Variants in GGT6 observed in about 807,000 individuals in gnomAD.
The protein encoded by GGT6 is glutathione hydrolase 6.
A neutral mutation model predicts 17.0 loss-of-function variants in GGT6; 13 were observed. That is an observed-to-expected ratio of 0.77 (90% CI 0.50 to 1.22). The LOEUF is 1.22. Among genes scored for constraint, GGT6 ranks in the 50% most tolerant of loss-of-function variants. The probability of loss-of-function intolerance (pLI) is 0.00; values close to 1 mark genes in which losing one functional copy is unlikely to be tolerated. For missense variants in GGT6, 628 were observed against 643.7 expected, an observed-to-expected ratio of 0.98 and a Z score of 0.26; for synonymous variants, 305 against 297.9, an observed-to-expected ratio of 1.02 and a Z score of -0.25.
At chr17:4,556,695 T>C (rs1908163107), downstream of GGT6, among the ~76,000 whole-genome samples, 1 of 152,216 alleles carries the variant, frequency 6.6e-6, no homozygotes, top group African/African-American at 2.4e-5. Context: ...TCTCACCCTC[T>C]CAGCCGCTTC....
chr17:4,559,954 C>T, intron 1 of GGT6, 194 bp from the exon 2 acceptor site: 1 of 614,228 alleles, frequency 1.6e-6, no homozygotes, highest in African/African-American at 1.8e-5. Flanking sequence ...GGAAACTGAG[C>T]CTAGCTAGGG....
Position 4,558,990 on chromosome 17 carries a change from T to G in GGT6, c.525A>C (p.Pro175=). 6.5e-7 allele frequency: 1 copy of G among 1,545,768 alleles called. No homozygotes were observed. Among genetic ancestry groups the G allele is most frequent in the Non-Finnish European group, 8.7e-7 (1 of 1,146,958 alleles). Residue 175 remains proline (P), a synonymous_variant, in exon 4 of 4, where the codon CCA becomes CCC. Coordinates refer to ENST00000381550, the MANE Select transcript of GGT6 (RefSeq NM_001288702.2). ...CCAGGCCGGGGGCCAGGGTCTGTGC[T>G]GGGCCTGATGTCAGGGCCGTGGAAT... ...SGNSTALTSG[P]AQTLAPGLGL...
At position 4,559,680 on chromosome 17, in the gene GGT6, G is replaced by T; in HGVS notation, c.221C>A (p.Ala74Asp). The change falls in exon 2 of 4, where the codon GCT becomes GAT. Residue 74 changes from alanine (A) to aspartate (D), a missense_variant. Physicochemically the swap from Ala to Asp is moderately radical, Grantham distance 126 (BLOSUM62 -2). Coordinates refer to ENST00000381550, the MANE Select transcript of GGT6 (RefSeq NM_001288702.2). ...GCCCTGATTCTGGAGCTGCCTCACA[G>T]CCAGGGAGCAGCCAACAGCCAGCAG... ...LLLLAVGCSL[A>D]VRQLQNQGRS... The T allele has an allele frequency of 1.2e-6, 2 of 1,612,766 alleles. No individual in the cohort carries two copies.
rs764957416 is a variant in GGT6, at chr17:4,560,381, C to A, written c.140+1G>T. ...GGTGCCCAGACCCCTCCCTTACTTA[C>A]CTGGAAGAGTCCTGGTGCCTCCGGG... On this transcript the variant is annotated splice_donor_variant, in intron 1 of 3. Coordinates refer to ENST00000381550, the MANE Select transcript of GGT6 (RefSeq NM_001288702.2). LOFTEE classifies it high-confidence loss of function. 1.4e-5 allele frequency: 22 copies of A among 1,614,110 alleles called. No individual in the cohort carries two copies. Among genetic ancestry groups the A allele is most frequent in the Non-Finnish European group, 1.6e-5 (19 of 1,179,996 alleles).
chr17:4,560,282 C>G (rs1186714561), intron 1 of GGT6, 100 bp downstream of exon 1: 6 of 1,385,824 alleles, frequency 4.3e-6, no homozygotes, highest in East Asian at 4.6e-5. Flanking sequence ...GGAGCTAAAC[C>G]CAGCGGGGAG....
Position 4,558,440 on chromosome 17 carries a change from G to A in GGT6, c.1075C>T (p.Leu359=), listed in dbSNP as rs776125326. The change falls in exon 4 of 4, where the codon CTG becomes TTG. Residue 359 remains leucine, a synonymous_variant. Coordinates refer to ENST00000381550, the MANE Select transcript of GGT6 (RefSeq NM_001288702.2). ...QTAVSPESSA[L]AAVDSSGSVL... Reference sequence around the variant, plus strand: ...GAGCCGCTGCTGTCCACGGCGGCCAGGGCACTGCTCTCGGGGCTCACAGCA... The same window carrying A: ...GAGCCGCTGCTGTCCACGGCGGCCAAGGCACTGCTCTCGGGGCTCACAGCA... The A allele has an allele frequency of 2.6e-5, 42 of 1,607,036 alleles. No homozygotes were observed. The highest frequency in any genetic ancestry group is 3.3e-4 in the Middle Eastern group (2 of 6,080).
chr17:4,559,240 G>T, intron 3 of GGT6, 103 bp downstream of exon 3: 12 of 1,180,586 alleles, frequency 1.0e-5, no homozygotes, highest in Non-Finnish European at 1.5e-5. Context: ...CCTAAGTCCT[G>T]CTCACTTAGC....
intron 3 of GGT6, 106 bp from the exon 4 acceptor site, chr17:4,559,163 C>T: frequency 4.9e-6 from 7 of 1,432,840 alleles, no homozygotes; most frequent in South Asian, 2.6e-5. Flanking sequence ...ACTGACCAGG[C>T]CTGAGGTCAA....
At chr17:4,559,994 G>T in intron 1 of GGT6, 1 of 592,822 alleles carries the variant, frequency 1.7e-6, no homozygotes, top group Non-Finnish European at 3.0e-6. Flanking sequence ...GATTGGTGGG[G>T]CAGAGTCCAC....
At chr17:4,559,215 G>C (rs750416695) in intron 3 of GGT6, 128 bp downstream of exon 3, 11 of 1,212,162 alleles carry the variant, frequency 9.1e-6, no homozygotes, top group Non-Finnish European at 1.3e-5. Flanking sequence ...CCTGGGGTTG[G>C]ACTGCTGCCC....
Position 4,559,074 on chromosome 17 carries a change from G to T in GGT6, c.458-17C>A. 6.5e-7 allele frequency: 1 copy of T among 1,539,604 alleles called. No individual in the cohort carries two copies. Among genetic ancestry groups the T allele is most frequent in the Non-Finnish European group, 8.7e-7 (1 of 1,146,808 alleles). ...ACATGGCACCTGCAGGAGACAGAGGGGTCCCTCAGCAGCCGCAGGTCAAGG... is the reference window on the plus strand; with the variant it reads ...ACATGGCACCTGCAGGAGACAGAGGTGTCCCTCAGCAGCCGCAGGTCAAGG... On this transcript the variant is annotated splice_polypyrimidine_tract_variant and intron_variant, in intron 3 of 3. Transcript: ENST00000381550.
At position 4,558,875 on chromosome 17, in the gene GGT6, G is replaced by C. The variant is rs748872449; in HGVS notation, c.640C>G (p.Leu214Val). 1.3e-6 allele frequency: 2 copies of C among 1,547,174 alleles called. No homozygotes were observed. The highest frequency in any genetic ancestry group is 2.4e-5 in the South Asian group (2 of 83,654). Reference sequence around the variant, plus strand: ...TCCACCAGGAAGCCCTCCTGAGCCAGCGTGGTGGGGCCCACTAGCAGGCGT... The same window carrying C: ...TCCACCAGGAAGCCCTCCTGAGCCACCGTGGTGGGGCCCACTAGCAGGCGT... Reference protein sequence around the residue: ...WPRLLVGPTTLAQEGFLVDTP... With the variant: ...WPRLLVGPTTVAQEGFLVDTP... Residue 214 changes from leucine (L) to valine (V), a missense_variant, in exon 4 of 4, where the codon CTG (leucine) becomes GTG (valine). Transcript: ENST00000381550.
chr17:4,557,480 A>G lies in GGT6; in HGVS notation c.*535T>C, dbSNP rs530331253. On this transcript the variant is annotated 3_prime_UTR_variant, in exon 4 of 4. Transcript: ENST00000381550. ...AGGTGCCCGCCACCATGCCCAGCTA[A>G]TTTTTTGTATTTTTAGTAGAGACGG... 1.3e-5 allele frequency: 2 copies of G among 151,544 alleles called. No homozygotes were observed. The highest frequency in any genetic ancestry group is 1.9e-4 in the East Asian group (1 of 5,148). 9.4% of individuals were successfully genotyped at this position (151,544 alleles called of 1,614,324 possible).
chr17:4,559,023 G>T lies in GGT6; in HGVS notation c.492C>A (p.Ser164=). 1 of 1,543,414 alleles carries T rather than the reference G, an allele frequency of 6.5e-7. No individual in the cohort carries two copies. Residue 164 remains serine, a synonymous_variant, in exon 4 of 4, where the codon TCC becomes TCA. Transcript: ENST00000381550. ...AMFWGLFHDS[S]SGNSTALTSG... ...ATGTCAGGGCCGTGGAATTGCCTGA[G>T]GAGCTATCGTGGAAGAGGCCCCAAA...
downstream of GGT6, among the ~76,000 whole-genome samples, chr17:4,556,621 C>T (rs1908152106): frequency 6.6e-6 from 1 of 152,210 alleles, no homozygotes; most frequent in Non-Finnish European, 1.5e-5. Context: ...TCAGGGCTAA[C>T]CTTCGCCTTG....
At chr17:4,559,246 T>C in intron 3 of GGT6, 97 bp downstream of exon 3, 1 of 1,199,348 alleles carries the variant, frequency 8.3e-7, no homozygotes, top group East Asian at 2.5e-5. Context: ...TCCTGCTCAC[T>C]TAGCAGTCTT....
At chr17:4,560,083 A>T in intron 1 of GGT6, 1 of 573,996 alleles carries the variant, frequency 1.7e-6, no homozygotes, top group Non-Finnish European at 3.1e-6. Context: ...AGGCGTAGTC[A>T]GGCCCCAACC....
rs1235849008 is a variant in GGT6 at position 4,558,042 on chromosome 17, A to C, written c.1473T>G (p.His491Gln). The C allele has an allele frequency of 1.9e-6, 3 of 1,559,604 alleles. No homozygotes were observed. The African/African-American group carries it at 4.1e-5, about 21-fold the overall frequency. ...TEHAHVSSVP[H>Q]ACCPFQGF ...AGAACCCCTGGAAGGGGCAGCAGGC[A>C]TGGGGGACACTGGAGACATGGGCGT... is the stretch of plus-strand genomic sequence containing the variant. The change falls in exon 4 of 4, where the codon CAT (histidine) becomes CAG (glutamine). Residue 491 changes from histidine (H) to glutamine (Q), a missense_variant. By Grantham distance (24) the His-to-Gln change is conservative. Coordinates refer to ENST00000381550, the MANE Select transcript of GGT6 (RefSeq NM_001288702.2).
Position 4,558,943 on chromosome 17 carries a change from G to A in GGT6, c.572C>T (p.Thr191Ile), listed in dbSNP as rs866510845. ...PGLGLPAALP[T>I]LHLLHARFGR... ...GAAGCGTGCATGCAGCAGGTGCAGG[G>A]TGGGCAGAGCCGCGGGCAGCCCCAG... is the stretch of plus-strand genomic sequence containing the variant. Residue 191 changes from threonine to isoleucine, a missense_variant, in exon 4 of 4, where the codon ACC (threonine) becomes ATC (isoleucine). Coordinates refer to ENST00000381550, the MANE Select transcript of GGT6 (RefSeq NM_001288702.2). 9 of 1,549,620 alleles carry A rather than the reference G, an allele frequency of 5.8e-6. No homozygotes were observed. The highest frequency in any genetic ancestry group is 1.7e-4 in the Middle Eastern group (1 of 5,900).
Sources: gnomAD v4.1 joint callset for allele counts (sites outside exome capture counted in the v4.1 genomes callset) on GRCh38, gnomAD v4.1.1 for gene constraint, MANE v1.5 for transcripts, NCBI Gene and HGNC (gene_info 2026-07-23, HGNC 2026-07-21) for gene names.